Variants in PTPRN2 observed in about 807,000 individuals in gnomAD.
PTPRN2 encodes the protein receptor-type tyrosine-protein phosphatase N2.
A neutral mutation model predicts 118.8 loss-of-function variants in PTPRN2; 74 were observed. The observed-to-expected ratio is 0.62, with a 90% confidence interval of 0.52 to 0.76. The LOEUF (loss-of-function observed/expected upper bound fraction) is 0.76, where lower values mean the gene tolerates loss of function less well. Among genes scored for constraint, PTPRN2 ranks in the 30% least tolerant of loss-of-function variants. The pLI, the probability that PTPRN2 is intolerant of heterozygous loss-of-function variation, is 0.00. For synonymous variants in PTPRN2, 641 were observed against 608.0 expected (o/e 1.05, Z -0.80); for missense variants, 1,481 against 1,394.4 (o/e 1.06, Z -0.99).
intron 12 of PTPRN2, among the ~76,000 whole-genome samples, chr7:157,870,918 C>A (rs1811008938): frequency 6.6e-6 from 1 of 152,228 alleles, no homozygotes. Context: ...CTGTGAGACT[C>A]TGGAAGTGGA....
intron 11 of PTPRN2, among the ~76,000 whole-genome samples, chr7:158,080,120 A>T (rs1812682939): frequency 6.6e-6 from 1 of 152,110 alleles, no homozygotes; most frequent in African/African-American, 2.4e-5. Flanking sequence ...AGATAGGACC[A>T]GCAATTCGCT....
chr7:157,701,957 T>G (rs1020364643), intron 12 of PTPRN2, among the ~76,000 whole-genome samples: 1 of 149,170 alleles, frequency 6.7e-6, no homozygotes, highest in Non-Finnish European at 1.5e-5. Flanking sequence ...TCGGTGCTGG[T>G]GTAACTGACG....
chr7:158,582,435 C>T (rs1291651396), intron 1 of PTPRN2, among the ~76,000 whole-genome samples: 2 of 152,018 alleles, frequency 1.3e-5, no homozygotes, highest in Non-Finnish European at 2.9e-5. Context: ...AATCCTTAAA[C>T]CTGGTCGGGC....
At chr7:158,417,513 TAA>T (rs1456088606) in intron 2 of PTPRN2, among the ~76,000 whole-genome samples, 4 of 150,000 alleles carry the variant, frequency 2.7e-5, no homozygotes, top group Non-Finnish European at 4.4e-5. Flanking sequence ...CCCACTGTGT[TAA>T]GTCATGGTGT....
intron 14 of PTPRN2, among the ~76,000 whole-genome samples, chr7:157,626,443 C>T (rs796561786): frequency 2.0e-4 from 31 of 152,266 alleles, no homozygotes; most frequent in African/African-American, 7.0e-4. Flanking sequence ...ATGAACCGAC[C>T]CAGACTTCAA....
At chr7:158,164,506 G>A (rs1274545906) in intron 6 of PTPRN2, among the ~76,000 whole-genome samples, 1 of 139,180 alleles carries the variant, frequency 7.2e-6, no homozygotes, top group East Asian at 2.3e-4. Context: ...GAGCGCGCGC[G>A]TAGGGAGGGC....
chr7:157,615,495 C>G lies in PTPRN2; in HGVS notation c.2344+5867G>C. ...CATCTGATGAGCCTTTGCCAATATG[C>G]TCGGGACCTGGGGACGGCTGGGGTG... On this transcript the variant is annotated intron_variant, in intron 15 of 22. Transcript: ENST00000389418. The surrounding 1 kb of genome is among the most constrained non-coding windows in gnomAD (Gnocchi z 4.3). 1 of 471,212 alleles carries G rather than the reference C, an allele frequency of 2.1e-6. No homozygotes were observed. Among genetic ancestry groups the G allele is most frequent in the Non-Finnish European group, 4.4e-6 (1 of 227,062 alleles). 29.2% of individuals were successfully genotyped at this position (471,212 alleles called of 1,614,324 possible). A position where few individuals can be genotyped will look rare whatever the true frequency, so the allele number is the denominator to read the frequency against.
intron 3 of PTPRN2, among the ~76,000 whole-genome samples, chr7:158,214,752 C>G (rs1318463694): frequency 2.0e-5 from 3 of 152,102 alleles, no homozygotes; most frequent in African/African-American, 7.2e-5. Flanking sequence ...ACTCCCACCC[C>G]TCTCCCTAAC....
intron 10 of PTPRN2, among the ~76,000 whole-genome samples, chr7:158,086,076 A>C (rs1813388266): frequency 6.6e-6 from 1 of 152,170 alleles, no homozygotes; most frequent in Admixed American, 6.5e-5. Context: ...TTTGAAGCAT[A>C]CTGTGAAATT....
chr7:158,495,684 T>C (rs1223208671), intron 1 of PTPRN2, among the ~76,000 whole-genome samples: 1 of 152,132 alleles, frequency 6.6e-6, no homozygotes, highest in Non-Finnish European at 1.5e-5. Context: ...CAGGCAGGAA[T>C]AGAAAGCCAT....
At chr7:157,636,848 A>G (rs930165169) in intron 14 of PTPRN2, among the ~76,000 whole-genome samples, 17 of 152,238 alleles carry the variant, frequency 1.1e-4, no homozygotes, top group African/African-American at 3.1e-4. Context: ...AAATCCTCTC[A>G]TTCCATTTGG....
chr7:157,767,820 C>G (rs1293803829), intron 12 of PTPRN2, among the ~76,000 whole-genome samples: 1 of 152,254 alleles, frequency 6.6e-6, no homozygotes, highest in Non-Finnish European at 1.5e-5. Context: ...CCAGCTGAAG[C>G]AGAAACTTCC....
At chr7:158,399,802 G>A (rs759683295) in intron 2 of PTPRN2, among the ~76,000 whole-genome samples, 12 of 152,324 alleles carry the variant, frequency 7.9e-5, no homozygotes, top group Middle Eastern at 6.8e-3. Flanking sequence ...CTACTGCACC[G>A]GAACCATCCC....
chr7:158,105,469 C>G lies in PTPRN2; in HGVS notation c.1643+5360G>C, dbSNP rs550645277. On this transcript the variant is annotated intron_variant, in intron 10 of 22. Coordinates refer to ENST00000389418, the MANE Select transcript of PTPRN2 (RefSeq NM_002847.5). ...CCATCAAACTCCACCCTAGCTTCAC[C>G]CTCATCCCAGCTCCATCCCATCTCC... Among the ~76,000 whole-genome samples, 3 of 151,648 alleles carry G rather than the reference C, an allele frequency of 2.0e-5. No individual in the cohort carries two copies. The East Asian group carries it at 5.9e-4, about 30-fold the overall frequency.
intron 11 of PTPRN2, among the ~76,000 whole-genome samples, chr7:157,911,137 G>A (rs1798081478): frequency 1.3e-5 from 2 of 152,154 alleles, no homozygotes; most frequent in South Asian, 2.1e-4. Context: ...CATGAAGATC[G>A]GTCTCCGTGC....
intron 1 of PTPRN2, among the ~76,000 whole-genome samples, chr7:158,504,172 T>C (rs1212016594): frequency 6.6e-6 from 1 of 152,054 alleles, no homozygotes; most frequent in Non-Finnish European, 1.5e-5. Context: ...AGACCTGGGG[T>C]CATACTGTAC....
At chr7:158,071,003 G>C (rs1291488197) in intron 11 of PTPRN2, among the ~76,000 whole-genome samples, 5 of 82,784 alleles carry the variant, frequency 6.0e-5, no homozygotes, top group Non-Finnish European at 9.6e-5. Flanking sequence ...AGGTGCTCAT[G>C]GTGGTGGAGG....
chr7:158,150,520 G>A (rs1209935320), intron 6 of PTPRN2, among the ~76,000 whole-genome samples: 1 of 152,078 alleles, frequency 6.6e-6, no homozygotes, highest in Admixed American at 6.6e-5. Context: ...ACCCAGGTGA[G>A]TCCCAGTATT....
intron 6 of PTPRN2, among the ~76,000 whole-genome samples, chr7:158,160,319 G>A (rs1822245024): frequency 6.6e-6 from 1 of 152,132 alleles, no homozygotes; most frequent in Non-Finnish European, 1.5e-5. Context: ...AAACAGCTGG[G>A]GCCCAGAGAG....
Sources: allele counts gnomAD v4.1 joint callset (sites outside exome capture counted in the v4.1 genomes callset), GRCh38; gene constraint gnomAD v4.1.1; non-coding constraint Gnocchi (gnomAD v3.1); transcripts MANE v1.5; gene names NCBI Gene and HGNC (gene_info 2026-07-23, HGNC 2026-07-21).